The following SEMA3D variants were observed in gnomAD, a reference collection of about 807,000 sequenced individuals.
The protein encoded by SEMA3D is semaphorin 3D, also known as semaphorin-3D.
A neutral mutation model predicts 100.1 loss-of-function variants in SEMA3D; 84 were observed. The observed-to-expected ratio is 0.84, with a 90% CI of 0.70 to 1.01. The LOEUF (loss-of-function observed/expected upper bound fraction) is 1.01. Among genes scored for constraint, SEMA3D ranks in the 50% least tolerant of loss-of-function variants. The pLI is 0.00. For missense variants in SEMA3D, 875 were observed against 934.1 expected (o/e 0.94, Z 0.82); for synonymous variants, 312 against 320.7 (o/e 0.97, Z 0.29).
intron 2 of SEMA3D, among the ~76,000 whole-genome samples, chr7:85,133,724 C>A (rs1158212529): frequency 6.6e-6 from 1 of 151,934 alleles, no homozygotes; most frequent in Non-Finnish European, 1.5e-5. Flanking sequence ...TGAAAGAATT[C>A]ACTTAATTTC....
At chr7:85,205,964 A>T in the SEMA3D span, among the ~76,000 whole-genome samples, 1 of 152,194 alleles carries the variant, frequency 6.6e-6, no homozygotes, top group Admixed American at 6.6e-5. Flanking sequence ...TGCATGTATC[A>T]AAACAGTTTC....
Position 85,042,294 on chromosome 7 carries a change from A to G in SEMA3D, c.862-9T>C, listed in dbSNP as rs1318170326. On this transcript the variant is annotated splice_polypyrimidine_tract_variant and intron_variant, in intron 9 of 18. Transcript: ENST00000284136. ...TGTCCTCCTACATCATTCTGACATG[A>G]AAAAAAAAATAAAGATAAATATTTA... 7.8e-7 allele frequency: 1 copy of G among 1,275,428 alleles called. No individual in the cohort carries two copies. The highest frequency in any genetic ancestry group is 1.5e-5 in the African/African-American group (1 of 64,536). 79.0% of individuals were successfully genotyped at this position (1,275,428 alleles called of 1,614,324 possible).
the SEMA3D span, among the ~76,000 whole-genome samples, chr7:85,206,807 T>C: frequency 2.0e-5 from 3 of 152,232 alleles, no homozygotes; most frequent in Admixed American, 2.0e-4. Flanking sequence ...CATTAAAGTG[T>C]GTCTTCAGGC....
intron 3 of SEMA3D, among the ~76,000 whole-genome samples, chr7:85,101,235 T>C (rs1788734210): frequency 6.6e-6 from 1 of 152,028 alleles, no homozygotes; most frequent in Non-Finnish European, 1.5e-5. Context: ...AAGACTGAAA[T>C]CAGCAAAATC....
intron 8 of SEMA3D, among the ~76,000 whole-genome samples, chr7:85,057,919 A>C (rs1228863263): frequency 1.3e-5 from 2 of 152,204 alleles, no homozygotes; most frequent in Non-Finnish European, 2.9e-5. Context: ...CGACAGAGAC[A>C]GACTCCGTCT....
intron 12 of SEMA3D, among the ~76,000 whole-genome samples, chr7:85,031,778 G>A (rs946546501): frequency 1.3e-5 from 2 of 151,888 alleles, no homozygotes; most frequent in African/African-American, 2.4e-5. Context: ...AGAGTGTCTG[G>A]ATCATAAGAA....
rs1017918401 is a variant in SEMA3D at position 85,012,918 on chromosome 7, A to G, written c.1704-72T>C. ...ATCATATAGAAAGGCTACATCTAAT[A>G]CTAATAACAGTGGCAGATGCAGTAC... On this transcript the variant is annotated intron_variant, in intron 16 of 18. Coordinates refer to ENST00000284136, the MANE Select transcript of SEMA3D (RefSeq NM_001384900.1). 9 of 1,172,572 alleles carry G rather than the reference A, an allele frequency of 7.7e-6. No homozygotes were observed. The Admixed American group carries it at 1.4e-4, about 18-fold the overall frequency. The allele number at this position is 1,172,572 out of a possible 1,614,324, so 72.6% of individuals were successfully genotyped here.
chr7:85,056,454 A>G (rs1791320062), intron 8 of SEMA3D, among the ~76,000 whole-genome samples: 1 of 151,924 alleles, frequency 6.6e-6, no homozygotes, highest in African/African-American at 2.4e-5. Context: ...ATGTAATATA[A>G]GACTACCAAC....
At chr7:85,142,011 A>G (rs1790063619) in intron 2 of SEMA3D, 3 of 979,868 alleles carry the variant, frequency 3.1e-6, no homozygotes, top group Admixed American at 6.2e-5. Flanking sequence ...TCAAGGTACT[A>G]TTTAAATTTA....
chr7:85,144,331 C>T (rs1001478031), intron 2 of SEMA3D: 1 of 319,440 alleles, frequency 3.1e-6, no homozygotes, highest in African/African-American at 2.3e-5. Flanking sequence ...TTTCTGATAA[C>T]TGAATCGAGT....
At chr7:85,057,431 C>T (rs1017908334) in intron 8 of SEMA3D, among the ~76,000 whole-genome samples, 1 of 152,028 alleles carries the variant, frequency 6.6e-6, no homozygotes, top group African/African-American at 2.4e-5. Flanking sequence ...TTTTAAGAAG[C>T]AGAAGCAAGA....
chr7:85,176,409 T>C (rs902621055), intron 1 of SEMA3D, among the ~76,000 whole-genome samples: 1 of 152,122 alleles, frequency 6.6e-6, no homozygotes, highest in Non-Finnish European at 1.5e-5. Flanking sequence ...CCATGACTTT[T>C]TCCAAACAAG....
intron 9 of SEMA3D, among the ~76,000 whole-genome samples, chr7:85,052,685 T>C (rs1056089452): frequency 1.3e-5 from 2 of 151,940 alleles, no homozygotes; most frequent in African/African-American, 4.8e-5. Context: ...TATGATTATT[T>C]GTTGATATAT....
At chr7:85,081,695 T>G (rs2116234664) in intron 4 of SEMA3D, 116 bp from the exon 5 acceptor site, 1 of 678,882 alleles carries the variant, frequency 1.5e-6, no homozygotes, top group African/African-American at 1.8e-5. Context: ...AGCATGTTGT[T>G]AGAGTCAATG....
intron 8 of SEMA3D, among the ~76,000 whole-genome samples, chr7:85,063,292 G>T (rs1791526726): frequency 6.6e-6 from 1 of 152,056 alleles, no homozygotes; most frequent in Non-Finnish European, 1.5e-5. Context: ...AAGAACAGGA[G>T]CAAACTGAAA....
intron 1 of SEMA3D, among the ~76,000 whole-genome samples, chr7:85,177,571 A>G (rs1223957234): frequency 6.6e-6 from 1 of 152,182 alleles, no homozygotes; most frequent in Non-Finnish European, 1.5e-5. Flanking sequence ...AGACAGATGT[A>G]AAAAATGCAC....
intron 1 of SEMA3D, among the ~76,000 whole-genome samples, chr7:85,168,820 T>TGAAAGAAAGAAAGAAA (rs59563448): frequency 6.0e-4 from 73 of 121,146 alleles, no homozygotes; most frequent in Admixed American, 1.7e-3. Context: ...GAAAGAAAGA[T>TGAAAGAAAGAAAGAAA]GAAAGAAAGA....
chr7:85,086,551 A>G (rs1298270038), intron 4 of SEMA3D, among the ~76,000 whole-genome samples: 5 of 152,186 alleles, frequency 3.3e-5, no homozygotes, highest in Non-Finnish European at 7.4e-5. Flanking sequence ...AATGCGATAT[A>G]TAATGTACAA....
chr7:85,101,064 C>G (rs1788728252), intron 3 of SEMA3D, among the ~76,000 whole-genome samples: 1 of 151,880 alleles, frequency 6.6e-6, no homozygotes, highest in South Asian at 2.1e-4. Flanking sequence ...TAATATCCAA[C>G]AAATACGCCA....
Sources: gnomAD v4.1 joint callset for allele counts (sites outside exome capture counted in the v4.1 genomes callset) on GRCh38, gnomAD v4.1.1 for gene constraint, MANE v1.5 for transcripts, NCBI Gene and HGNC (gene_info 2026-07-23, HGNC 2026-07-21) for gene names.